DYNC2H1: variants seen among roughly 807,000 people sequenced by gnomAD.
DYNC2H1 encodes cytoplasmic dynein 2 heavy chain 1.
In DYNC2H1, 410 loss-of-function variants were observed where a neutral mutation model predicts 570.0. That is an observed-to-expected ratio of 0.72 (90% confidence interval 0.66 to 0.78). DYNC2H1 has a LOEUF of 0.78. Among genes scored for constraint, DYNC2H1 ranks in the 30% least tolerant of loss-of-function variants. The pLI is 0.00. For missense variants in DYNC2H1, 4,865 were observed against 5,046.4 expected (o/e 0.96, Z 1.09); for synonymous variants, 1,688 against 1,677.6 (o/e 1.01, Z -0.15).
intron 11 of DYNC2H1, among the ~76,000 whole-genome samples, chr11:103,124,468 A>AAAAAAAAG (rs1858882529): frequency 7.2e-6 from 1 of 139,770 alleles, no homozygotes. Context: ...AAAAAAAAAA[A>AAAAAAAAG]GCAGCATTAT....
chr11:103,193,074 A>G (rs925802252), intron 47 of DYNC2H1, among the ~76,000 whole-genome samples: 1 of 152,216 alleles, frequency 6.6e-6, no homozygotes, highest in African/African-American at 2.4e-5. Flanking sequence ...ATCCATGAGT[A>G]CCTATCCTAA....
chr11:103,149,602 G>A (rs550085703), intron 20 of DYNC2H1, among the ~76,000 whole-genome samples: 69 of 152,256 alleles, frequency 4.5e-4, no homozygotes, highest in East Asian at 1.7e-3. Flanking sequence ...TAATGTATCC[G>A]TCTAGTAGAA....
At chr11:103,240,007 A>G (rs1204558095) in intron 63 of DYNC2H1, among the ~76,000 whole-genome samples, 1 of 148,468 alleles carries the variant, frequency 6.7e-6, no homozygotes, top group Non-Finnish European at 1.5e-5. Flanking sequence ...AAAATTTATC[A>G]GCCTTTAACT....
chr11:103,460,378 ATATTTCCCAAAG>A (rs1389857038), intron 87 of DYNC2H1, among the ~76,000 whole-genome samples: 1 of 151,322 alleles, frequency 6.6e-6, no homozygotes, highest in African/African-American at 2.4e-5. Flanking sequence ...AAATGTGTTC[ATATTTCCCAAAG>A]TATATTGACC....
At chr11:103,235,881 A>G (rs1864199150) in intron 62 of DYNC2H1, 68 bp downstream of exon 62, 3 of 1,571,068 alleles carry the variant, frequency 1.9e-6, no homozygotes, top group South Asian at 1.2e-5. Flanking sequence ...AAATTTCAAT[A>G]TACTAAAAAT....
intron 36 of DYNC2H1, among the ~76,000 whole-genome samples, chr11:103,175,086 T>A (rs1383891249): frequency 2.0e-5 from 3 of 152,150 alleles, no homozygotes; most frequent in African/African-American, 7.2e-5. Context: ...ACTTTCCTCA[T>A]ATAAAAAAAT....
At chr11:103,142,072 T>G (rs1456541175) in intron 17 of DYNC2H1, among the ~76,000 whole-genome samples, 1 of 152,200 alleles carries the variant, frequency 6.6e-6, no homozygotes, top group African/African-American at 2.4e-5. Context: ...AAGTGTAGTA[T>G]TAGGGTGGGA....
At chr11:103,283,587 T>C (rs1445330821) in intron 73 of DYNC2H1, among the ~76,000 whole-genome samples, 1 of 152,188 alleles carries the variant, frequency 6.6e-6, no homozygotes, top group Non-Finnish European at 1.5e-5. Flanking sequence ...GCTTACTATG[T>C]TCAAGGCATT....
intron 82 of DYNC2H1, among the ~76,000 whole-genome samples, chr11:103,354,683 A>T (rs1395012106): frequency 6.6e-6 from 1 of 152,112 alleles, no homozygotes; most frequent in East Asian, 1.9e-4. Flanking sequence ...CTCAAAAAAT[A>T]ATTTTGCTAA....
At position 103,115,151 on chromosome 11, in the gene DYNC2H1, T is replaced by A. The variant is rs769055407; in HGVS notation, c.503-26T>A. ...TTTTTTTCTCTGATATTCTATGCCATTTTTTTCCCCTCTTGACTTTTATAG... is the reference window on the plus strand; with the variant it reads ...TTTTTTTCTCTGATATTCTATGCCAATTTTTTCCCCTCTTGACTTTTATAG... On this transcript the variant is annotated intron_variant, in intron 3 of 88. Transcript: ENST00000375735. 5.3e-6 allele frequency: 8 copies of A among 1,519,418 alleles called. No individual in the cohort carries two copies. In the Admixed American group the frequency reaches 1.1e-4, roughly 21 times the overall value. 94.1% of individuals were successfully genotyped at this position (1,519,418 alleles called of 1,614,324 possible). A position where few individuals can be genotyped will look rare whatever the true frequency, so the allele number is the denominator to read the frequency against.
intron 83 of DYNC2H1, among the ~76,000 whole-genome samples, chr11:103,387,499 A>G (rs1158372336): frequency 1.3e-5 from 2 of 152,078 alleles, no homozygotes; most frequent in Non-Finnish European, 2.9e-5. Flanking sequence ...GAAGCTCTTT[A>G]GTTTAATTAG....
chr11:103,177,149 C>CT lies in DYNC2H1; in HGVS notation c.5875-404dup, dbSNP rs999009784. 6.6e-6 allele frequency among the ~76,000 whole-genome samples: 1 copy of CT among 151,990 alleles called. No homozygotes were observed. The highest frequency in any genetic ancestry group is 1.5e-5 in the Non-Finnish European group (1 of 67,998). On this transcript the variant is annotated intron_variant, in intron 37 of 88. Coordinates refer to ENST00000375735, the MANE Select transcript of DYNC2H1 (RefSeq NM_001377.3). This position sits in a 1 kb window ranked among gnomAD's most constrained non-coding sequence, Gnocchi z 4.4. ...ATTTATTAGGATTTTAAGTGAGTCT[C>CT]TTTATGTAGTGCAAATAATTGTCCA...
chr11:103,471,329 C>T (rs1445899018), intron 88 of DYNC2H1, among the ~76,000 whole-genome samples: 1 of 152,134 alleles, frequency 6.6e-6, no homozygotes, highest in Non-Finnish European at 1.5e-5. Context: ...ATGTCTGTCC[C>T]ATATCAGCTA....
chr11:103,222,265 T>C (rs1371266463), intron 58 of DYNC2H1, 112 bp downstream of exon 58: 2 of 741,396 alleles, frequency 2.7e-6, no homozygotes, highest in Non-Finnish European at 3.9e-6. Context: ...AAAATGAAAA[T>C]AAAAAATAAG....
At chr11:103,220,933 G>A (rs1863562005) in intron 57 of DYNC2H1, 150 bp downstream of exon 57, 2 of 684,450 alleles carry the variant, frequency 2.9e-6, no homozygotes, top group African/African-American at 1.8e-5. Context: ...GGTATTCTAT[G>A]TAATCATATA....
intron 83 of DYNC2H1, among the ~76,000 whole-genome samples, chr11:103,372,081 C>T (rs1221059786): frequency 2.2e-5 from 3 of 135,282 alleles, no homozygotes; most frequent in African/African-American, 8.1e-5. Context: ...CACTCTGTCA[C>T]CCAGGCTGGA....
chr11:103,199,215 AT>A lies in DYNC2H1; in HGVS notation c.7840-6del, dbSNP rs886047567. ...CTTATATTAATTATAAAATATTCTG[AT>A]TTTTTTAAAAGGGTCTTATTCATTA... On this transcript the variant is annotated splice_polypyrimidine_tract_variant and intron_variant, in intron 48 of 88. Transcript: ENST00000375735. The surrounding 1 kb of genome is among the most constrained non-coding windows in gnomAD (Gnocchi z 4.6). 2.0e-6 allele frequency: 3 copies of A among 1,473,706 alleles called. No individual in the cohort carries two copies. The East Asian group carries it at 7.4e-5, about 36-fold the overall frequency. The allele number at this position is 1,473,706 out of a possible 1,614,324, so 91.3% of individuals were successfully genotyped here.
intron 85 of DYNC2H1, chr11:103,454,879 A>C (rs1444885209): frequency 8.3e-6 from 2 of 240,268 alleles, no homozygotes; most frequent in Admixed American, 5.1e-5. Flanking sequence ...TCGTCAGCAC[A>C]CTACAAGTGC....
rs1171593967 is a variant in DYNC2H1, at chr11:103,174,089, G to A, written c.5593G>A (p.Gly1865Ser). The change falls in exon 36 of 89, where the codon GGT becomes AGT. Residue 1865 changes from glycine to serine, a missense_variant. Coordinates refer to ENST00000375735, the MANE Select transcript of DYNC2H1 (RefSeq NM_001377.3). ...GACACCTCAGCAACATTATGATTGG[G>A]GTTTGAGAGCTTTGAAGACAGTTCT... ...LLTPQQHYDWGLRALKTVLRG... is the reference protein window; with the variant it reads ...LLTPQQHYDWSLRALKTVLRG... The A allele has an allele frequency of 3.8e-6, 6 of 1,590,582 alleles. No homozygotes were observed. In the East Asian group the frequency reaches 1.4e-4, roughly 36 times the overall value.
Sources: allele counts gnomAD v4.1 joint callset (sites outside exome capture counted in the v4.1 genomes callset), GRCh38; gene constraint gnomAD v4.1.1; non-coding constraint Gnocchi (gnomAD v3.1); transcripts MANE v1.5; gene names NCBI Gene and HGNC (gene_info 2026-07-23, HGNC 2026-07-21).